The following TLN2 variants were observed in gnomAD, a reference collection of about 807,000 sequenced individuals.
The protein encoded by TLN2 is talin 2, also known as talin-2.
Under a neutral mutation model 294.7 loss-of-function variants are expected in TLN2, and 118 were observed. The observed-to-expected ratio is 0.40, with a 90% CI of 0.34 to 0.47. The LOEUF (loss-of-function observed/expected upper bound fraction) is 0.47. Among genes scored for constraint, TLN2 ranks in the 20% least tolerant of loss-of-function variants. The probability of loss-of-function intolerance (pLI) is 0.84; values close to 1 mark genes in which losing one functional copy is unlikely to be tolerated. For missense variants in TLN2, 3,083 were observed against 3,282.2 expected (o/e 0.94, Z 1.48); for synonymous variants, 1,431 against 1,304.5 (o/e 1.10, Z -2.09).
chr15:62,741,610 GGA>G (rs1346544108), intron 32 of TLN2, among the ~76,000 whole-genome samples: 1 of 152,158 alleles, frequency 6.6e-6, no homozygotes, highest in Non-Finnish European at 1.5e-5. Flanking sequence ...AGCTGACAGT[GGA>G]GAGAGATTAA....
chr15:62,566,612 A>AG (rs2043416752), intron 1 of TLN2, among the ~76,000 whole-genome samples: 1 of 150,036 alleles, frequency 6.7e-6, no homozygotes. Context: ...TTGAGTAGCC[A>AG]CAGAAACCTT....
At chr15:62,740,210 C>T (rs113416787) in intron 31 of TLN2, among the ~76,000 whole-genome samples, 5 of 152,194 alleles carry the variant, frequency 3.3e-5, no homozygotes, top group Admixed American at 6.5e-5. Context: ...CTCTGAATAT[C>T]GAGACAGTGC....
intron 3 of TLN2, among the ~76,000 whole-genome samples, chr15:62,632,542 A>T (rs528476058): frequency 2.0e-5 from 3 of 152,286 alleles, no homozygotes; most frequent in Admixed American, 2.0e-4. Flanking sequence ...GCAGCAGCTG[A>T]TCTACTACAT....
rs28728000 is a variant in TLN2 at position 62,658,184 on chromosome 15, C to A, written c.788+286C>A. ...GTGAAGAGGAAAGTAAAAAAAAAAA[C>A]CAAAAAAAAAACCGCTCCAGTAGGG... On this transcript the variant is annotated intron_variant, in intron 9 of 58. Transcript: ENST00000636159. 102 of 59,976 alleles carry A rather than the reference C, an allele frequency of 1.7e-3. 1 individual carries two copies. The highest frequency in any genetic ancestry group is 9.0e-4 in the Non-Finnish European group (19 of 21,106). 3.7% of individuals were successfully genotyped at this position (59,976 alleles called of 1,614,324 possible).
At chr15:62,610,211 A>G (rs1320155702) in intron 2 of TLN2, among the ~76,000 whole-genome samples, 1 of 152,196 alleles carries the variant, frequency 6.6e-6, no homozygotes, top group Non-Finnish European at 1.5e-5. Flanking sequence ...AGAGTTAAGG[A>G]ATTCCATTGA....
chr15:62,572,672 C>T (rs901450158), intron 1 of TLN2, among the ~76,000 whole-genome samples: 2 of 152,196 alleles, frequency 1.3e-5, no homozygotes, highest in African/African-American at 4.8e-5. Context: ...AAACTGAGTC[C>T]GGATCGATGC....
intron 3 of TLN2, among the ~76,000 whole-genome samples, chr15:62,623,510 A>G (rs759056885): frequency 6.6e-6 from 1 of 152,212 alleles, no homozygotes; most frequent in Admixed American, 6.5e-5. Flanking sequence ...TGTGGTTCTT[A>G]TATGAAATCC....
chr15:62,744,948 C>T (rs1489934945), intron 32 of TLN2, among the ~76,000 whole-genome samples: 1 of 152,224 alleles, frequency 6.6e-6, no homozygotes, highest in African/African-American at 2.4e-5. Flanking sequence ...CGCCTCTTCC[C>T]TGGAGGCAGG....
chr15:62,716,174 G>A (rs1299829431), intron 22 of TLN2, among the ~76,000 whole-genome samples, 157 bp from the exon 23 acceptor site: 1 of 152,130 alleles, frequency 6.6e-6, no homozygotes, highest in Non-Finnish European at 1.5e-5. Flanking sequence ...GGTATTTTTT[G>A]TTGCATGAGG....
chr15:62,788,924 G>C (rs59061479), intron 45 of TLN2, among the ~76,000 whole-genome samples: 3,670 of 152,276 alleles, frequency 0.024, 156 homozygotes, highest in African/African-American at 0.083. Flanking sequence ...AAGGAACAAA[G>C]GCCCCTCAAG....
chr15:62,642,624 G>A (rs1193368155), intron 3 of TLN2, among the ~76,000 whole-genome samples: 1 of 151,984 alleles, frequency 6.6e-6, no homozygotes, highest in East Asian at 1.9e-4. Flanking sequence ...CTCATCTTTA[G>A]TCTACATTTC....
At position 62,815,199 on chromosome 15, in the gene TLN2, A is replaced by T. The variant is rs969763585; in HGVS notation, c.6772-4317A>T. ...CTGTCACACACACACACACACACAC[A>T]CACACACACACACACACACACACAC... On this transcript the variant is annotated intron_variant, in intron 52 of 58. Coordinates refer to ENST00000636159, the MANE Select transcript of TLN2 (RefSeq NM_015059.3). Among the ~76,000 whole-genome samples, 125 of 149,798 alleles carry T rather than the reference A, an allele frequency of 8.3e-4. No individual in the cohort carries two copies. The East Asian group carries it at 0.01, about 12-fold the overall frequency.
At chr15:62,752,224 T>A in intron 34 of TLN2, 81 bp from the exon 35 acceptor site, 2 of 1,521,042 alleles carry the variant, frequency 1.3e-6, no homozygotes, top group Non-Finnish European at 1.8e-6. Flanking sequence ...CCTTGAATAT[T>A]AAAGTTGGAG....
chr15:62,716,095 C>T (rs190405848), intron 22 of TLN2, among the ~76,000 whole-genome samples: 10 of 152,314 alleles, frequency 6.6e-5, no homozygotes, highest in Non-Finnish European at 1.3e-4. Context: ...AGGCAATGTT[C>T]TCAAGTGTTT....
At chr15:62,698,983 A>C in intron 16 of TLN2, 116 bp downstream of exon 16, 1 of 1,005,386 alleles carries the variant, frequency 9.9e-7, no homozygotes, top group Non-Finnish European at 1.5e-6. Context: ...ATGGAAACCC[A>C]TGATTTTTTC....
chr15:62,824,310 A>T (rs998192611), intron 54 of TLN2, among the ~76,000 whole-genome samples: 39 of 152,244 alleles, frequency 2.6e-4, no homozygotes, highest in Admixed American at 2.6e-3. Flanking sequence ...GCTTGGTGGA[A>T]AAAACGGTTC....
intron 1 of TLN2, among the ~76,000 whole-genome samples, chr15:62,411,338 T>C (rs927945670): frequency 6.6e-6 from 1 of 151,972 alleles, no homozygotes. Context: ...ATTGCAAGGA[T>C]TTAGTAGATG....
At chr15:62,461,376 A>G (rs550702366) in intron 1 of TLN2, among the ~76,000 whole-genome samples, 9 of 152,292 alleles carry the variant, frequency 5.9e-5, no homozygotes, top group African/African-American at 2.2e-4. Context: ...CATTCTCATC[A>G]TAATATGGTA....
In TLN2 at chr15:62,738,200, C is replaced by T. The variant is rs756596448; in HGVS notation, c.3568-14C>T. On this transcript the variant is annotated splice_polypyrimidine_tract_variant and intron_variant, in intron 29 of 58. Coordinates refer to ENST00000636159, the MANE Select transcript of TLN2 (RefSeq NM_015059.3). ...TTTGTACTTAAAGGTGCTTCTCTCT[C>T]TCCACGAATTCAGGTGGCTAAAGCC... The T allele has an allele frequency of 6.2e-7, 1 of 1,612,922 alleles. No individual in the cohort carries two copies. The highest frequency in any genetic ancestry group is 1.7e-5 in the Admixed American group (1 of 59,846).
Sources: gnomAD v4.1 joint callset for allele counts (sites outside exome capture counted in the v4.1 genomes callset) on GRCh38, gnomAD v4.1.1 for gene constraint, MANE v1.5 for transcripts, NCBI Gene and HGNC (gene_info 2026-07-23, HGNC 2026-07-21) for gene names.